Variants in CDH13 observed in about 807,000 individuals in gnomAD.
CDH13 encodes the protein cadherin-13.
Under a neutral mutation model 63.8 loss-of-function variants are expected in CDH13, and 24 were observed. The observed-to-expected ratio is 0.38, with a 90% CI of 0.27 to 0.53. The LOEUF (loss-of-function observed/expected upper bound fraction) is 0.53. Among genes scored for constraint, CDH13 ranks in the 20% least tolerant of loss-of-function variants. The probability of loss-of-function intolerance (pLI) is 0.85; values close to 1 mark genes in which losing one functional copy is unlikely to be tolerated. For missense variants in CDH13, 1,049 were observed against 903.1 expected, an observed-to-expected ratio of 1.16 and a Z score of -2.07; for synonymous variants, 503 against 355.3, an observed-to-expected ratio of 1.42 and a Z score of -4.67.
At chr16:82,779,516 G>C (rs981158084) in intron 1 of CDH13, among the ~76,000 whole-genome samples, 1 of 152,222 alleles carries the variant, frequency 6.6e-6, no homozygotes, top group Non-Finnish European at 1.5e-5. Context: ...GAGGGTCTGG[G>C]AATGAACCAA....
chr16:83,473,523 C>G (rs1308831792), intron 6 of CDH13, among the ~76,000 whole-genome samples: 3 of 152,150 alleles, frequency 2.0e-5, no homozygotes, highest in Admixed American at 6.5e-5. Flanking sequence ...GGTCACTTAC[C>G]TAACAGGTGT....
chr16:82,976,672 A>T (rs766332331), intron 2 of CDH13, among the ~76,000 whole-genome samples: 12 of 152,152 alleles, frequency 7.9e-5, no homozygotes, highest in Non-Finnish European at 4.4e-5. Context: ...TGTAGGTGAG[A>T]TTGGCACTGA....
chr16:83,643,835 G>A (rs1965685), intron 8 of CDH13, among the ~76,000 whole-genome samples: 2 of 152,092 alleles, frequency 1.3e-5, no homozygotes, highest in Non-Finnish European at 2.9e-5. Flanking sequence ...CAGCATCCTG[G>A]AGAGCCCCCC....
intron 2 of CDH13, among the ~76,000 whole-genome samples, chr16:82,883,030 T>A (rs1597892942): frequency 1.3e-5 from 2 of 152,192 alleles, no homozygotes; most frequent in African/African-American, 4.8e-5. Flanking sequence ...ATTTCAATTA[T>A]CTGGGTTTTA....
At chr16:83,724,595 C>A (rs372820393) in intron 10 of CDH13, among the ~76,000 whole-genome samples, 1 of 152,110 alleles carries the variant, frequency 6.6e-6, no homozygotes, top group East Asian at 1.9e-4. Context: ...AAGCTCAAAC[C>A]AGCTCAGATT....
intron 2 of CDH13, among the ~76,000 whole-genome samples, chr16:82,990,547 G>GTTTT (rs369121464): frequency 0.021 from 2,965 of 139,834 alleles, 67 homozygotes; most frequent in African/African-American, 0.054. Flanking sequence ...TTTGGTTTGG[G>GTTTT]TTTTTTTTTT....
chr16:83,767,221 C>G lies in CDH13; in HGVS notation c.1682-12747C>G, dbSNP rs374211342. 3.6e-4 allele frequency among the ~76,000 whole-genome samples: 55 copies of G among 152,192 alleles called. 1 individual carries two copies. The South Asian group carries it at 0.01, about 28-fold the overall frequency. Reference sequence around the variant, plus strand: ...CTTTGTGTTCCGATGTGGATAGCAGCTGATGAGGTTTGGCTGTGTCCCCAC... The same window carrying G: ...CTTTGTGTTCCGATGTGGATAGCAGGTGATGAGGTTTGGCTGTGTCCCCAC... On this transcript the variant is annotated intron_variant, in intron 11 of 13. Coordinates refer to ENST00000567109, the MANE Select transcript of CDH13 (RefSeq NM_001257.5).
At chr16:83,485,134 T>C (rs1355893934) in intron 6 of CDH13, among the ~76,000 whole-genome samples, 1 of 152,254 alleles carries the variant, frequency 6.6e-6, no homozygotes, top group Non-Finnish European at 1.5e-5. Context: ...GTGAGAATAC[T>C]ATCATTTTGG....
chr16:82,970,295 A>G (rs548876170), intron 2 of CDH13, among the ~76,000 whole-genome samples: 1 of 149,178 alleles, frequency 6.7e-6, no homozygotes, highest in African/African-American at 2.5e-5. Context: ...TCCCTGGTAT[A>G]TATGTGCCAC....
chr16:83,301,250 C>G (rs1460311488), intron 5 of CDH13, among the ~76,000 whole-genome samples: 1 of 151,894 alleles, frequency 6.6e-6, no homozygotes, highest in African/African-American at 2.4e-5. Context: ...CCAAGATGGT[C>G]TCGATCTCCT....
chr16:83,350,077 C>G (rs566952382), intron 6 of CDH13, among the ~76,000 whole-genome samples: 1 of 152,190 alleles, frequency 6.6e-6, no homozygotes, highest in Non-Finnish European at 1.5e-5. Context: ...AAGCTGTCCC[C>G]AAGGATGGGG....
chr16:83,118,923 C>G (rs768748479), intron 3 of CDH13, among the ~76,000 whole-genome samples: 6 of 152,192 alleles, frequency 3.9e-5, no homozygotes, highest in Non-Finnish European at 7.3e-5. Flanking sequence ...TTTCTTTCCT[C>G]TGACCCCTTC....
At position 83,092,351 on chromosome 16, in the gene CDH13, C is replaced by T. The variant is rs538072559; in HGVS notation, c.367-33034C>T. ...CTTCCTAGCATTTGATTGACGGCTA[C>T]TGTTAGTACAGATCATCTGGGCTCC... On this transcript the variant is annotated intron_variant, in intron 3 of 13. Coordinates refer to ENST00000567109, the MANE Select transcript of CDH13 (RefSeq NM_001257.5). 1.2e-3 allele frequency among the ~76,000 whole-genome samples: 181 copies of T among 152,286 alleles called. 1 individual carries two copies. The highest frequency in any genetic ancestry group is 9.8e-3 in the South Asian group (47 of 4,820).
intron 6 of CDH13, among the ~76,000 whole-genome samples, chr16:83,441,622 A>C (rs1013375789): frequency 6.6e-6 from 1 of 152,178 alleles, no homozygotes; most frequent in Non-Finnish European, 1.5e-5. Context: ...AGCTGTGAGA[A>C]GCCCAGCTCC....
At position 83,781,512 on chromosome 16, in the gene CDH13, A is replaced by T. The variant is rs544799535; in HGVS notation, c.1915+1311A>T. Among the ~76,000 whole-genome samples, 152 of 152,252 alleles carry T rather than the reference A, an allele frequency of 1.0e-3. 5 individuals are homozygous for T. Among genetic ancestry groups the T allele is most frequent in the South Asian group, 1.9e-3 (9 of 4,820 alleles). Reference sequence around the variant, plus strand: ...ATAACATTTTCTATTTAAAAATCTCATATCTATTGTTATAGCCCTATCTCA... The same window carrying T: ...ATAACATTTTCTATTTAAAAATCTCTTATCTATTGTTATAGCCCTATCTCA... On this transcript the variant is annotated intron_variant, in intron 12 of 13. Transcript: ENST00000567109.
At chr16:83,624,014 T>C (rs1198571239) in intron 8 of CDH13, among the ~76,000 whole-genome samples, 2 of 152,156 alleles carry the variant, frequency 1.3e-5, no homozygotes, top group Non-Finnish European at 2.9e-5. Context: ...TTGGTACTCA[T>C]CACTGGGGGA....
intron 2 of CDH13, among the ~76,000 whole-genome samples, chr16:82,913,677 G>A (rs2041904498): frequency 6.6e-6 from 1 of 152,170 alleles, no homozygotes; most frequent in African/African-American, 2.4e-5. Context: ...AGTAAGGAGT[G>A]CATGGGGAGG....
chr16:83,010,762 C>T (rs1422641396), intron 2 of CDH13, among the ~76,000 whole-genome samples: 2 of 152,170 alleles, frequency 1.3e-5, no homozygotes, highest in Admixed American at 6.5e-5. Flanking sequence ...GTTTGTGAAC[C>T]TATGATTAGA....
At chr16:83,372,675 C>A (rs2091390882) in intron 6 of CDH13, among the ~76,000 whole-genome samples, 1 of 149,626 alleles carries the variant, frequency 6.7e-6, no homozygotes, top group Non-Finnish European at 1.5e-5. Flanking sequence ...TGGCTTGAAT[C>A]CGGGAGGCAG....
Sources: allele counts gnomAD v4.1 joint callset (sites outside exome capture counted in the v4.1 genomes callset), GRCh38; gene constraint gnomAD v4.1.1; transcripts MANE v1.5; gene names NCBI Gene and HGNC (gene_info 2026-07-23, HGNC 2026-07-21).